CTNNA2: variants seen among roughly 807,000 people sequenced by gnomAD.
CTNNA2 encodes the protein catenin alpha-2.
Under a neutral mutation model 101.0 loss-of-function variants are expected in CTNNA2, and 42 were observed. The observed-to-expected ratio is 0.42, with a 90% confidence interval of 0.32 to 0.54. CTNNA2 has a LOEUF of 0.54. Ranked by LOEUF, CTNNA2 falls within the 20% of genes least tolerant of loss-of-function variation. The probability of loss-of-function intolerance (pLI) is 0.14; values close to 1 mark genes in which losing one functional copy is unlikely to be tolerated. For missense variants in CTNNA2, 871 were observed against 1,223.1 expected, an observed-to-expected ratio of 0.71 and a Z score of 4.29; for synonymous variants, 450 against 456.4, an observed-to-expected ratio of 0.99 and a Z score of 0.18.
intron 2 of CTNNA2, among the ~76,000 whole-genome samples, chr2:79,702,661 G>T (rs1685090330): frequency 6.6e-6 from 1 of 152,138 alleles, no homozygotes; most frequent in African/African-American, 2.4e-5. Flanking sequence ...CTTGTACTAG[G>T]TTCCTGGGAA....
At chr2:79,916,389 T>C (rs1300841974) in intron 7 of CTNNA2, among the ~76,000 whole-genome samples, 2 of 152,034 alleles carry the variant, frequency 1.3e-5, no homozygotes, top group African/African-American at 4.8e-5. Context: ...TTTCTTCTCT[T>C]TCCTGTTCTC....
chr2:79,777,200 A>T (rs185917954), intron 3 of CTNNA2: 4 of 152,302 alleles, frequency 2.6e-5, no homozygotes, highest in Admixed American at 6.5e-5. Context: ...CTTACTATAC[A>T]GCTGGTCCTC....
At chr2:79,290,352 C>T (rs750704966) in intron 2 of CTNNA2, among the ~76,000 whole-genome samples, 2 of 152,098 alleles carry the variant, frequency 1.3e-5, no homozygotes, top group South Asian at 2.1e-4. Context: ...GATACTGATA[C>T]GGGAGCGGGG....
intron 3 of CTNNA2, among the ~76,000 whole-genome samples, chr2:79,755,565 T>G (rs1672342180): frequency 6.6e-6 from 1 of 152,150 alleles, no homozygotes; most frequent in Non-Finnish European, 1.5e-5. Flanking sequence ...ACAGACCATC[T>G]GGTTCAGAAT....
At chr2:80,135,276 G>T (rs568654536) in intron 7 of CTNNA2, among the ~76,000 whole-genome samples, 51 of 152,276 alleles carry the variant, frequency 3.3e-4, no homozygotes, top group South Asian at 1.7e-3. Flanking sequence ...TGGCAGGAAG[G>T]CCTGACAAAT....
intron 3 of CTNNA2, among the ~76,000 whole-genome samples, chr2:79,355,521 T>G (rs762938849): frequency 7.9e-5 from 12 of 152,136 alleles, no homozygotes; most frequent in Non-Finnish European, 5.9e-5. Context: ...CACAGTGTTA[T>G]TCAATAATCA....
intron 14 of CTNNA2, among the ~76,000 whole-genome samples, chr2:80,588,212 A>G (rs963406307): frequency 2.0e-5 from 3 of 152,166 alleles, no homozygotes; most frequent in African/African-American, 7.2e-5. Flanking sequence ...TGTTTTCTCC[A>G]TAAGGCACAT....
intron 2 of CTNNA2, among the ~76,000 whole-genome samples, chr2:79,243,919 A>G (rs1325570242): frequency 6.6e-6 from 1 of 152,162 alleles, no homozygotes. Context: ...TCCGTGTTCC[A>G]CTTGCCAAGG....
intron 2 of CTNNA2, among the ~76,000 whole-genome samples, chr2:79,223,008 A>T (rs1572986980): frequency 6.6e-6 from 1 of 152,110 alleles, no homozygotes; most frequent in East Asian, 1.9e-4. Flanking sequence ...AAAATTAGCC[A>T]GGCATAGTGC....
intron 9 of CTNNA2, among the ~76,000 whole-genome samples, chr2:80,542,696 A>C (rs1217453190): frequency 6.6e-6 from 1 of 152,112 alleles, no homozygotes; most frequent in Non-Finnish European, 1.5e-5. Flanking sequence ...TGTGATCTCA[A>C]GTCTTTTGCA....
Position 80,581,705 on chromosome 2 carries a change from G to T in CTNNA2, c.1894-1G>T. 1 of 1,589,094 alleles carries T rather than the reference G, an allele frequency of 6.3e-7. No homozygotes were observed. The highest frequency in any genetic ancestry group is 1.1e-5 in the South Asian group (1 of 90,518). On this transcript the variant is annotated splice_acceptor_variant, in intron 13 of 18. Transcript: ENST00000402739. LOFTEE classifies it high-confidence loss of function. ...GCTGACTTATATCTTTTTGTCTTTA[G>T]ACCCCAGAAGAACTAGAGGATGATT...
At chr2:79,395,407 A>G (rs1467034290) in intron 4 of CTNNA2, among the ~76,000 whole-genome samples, 3 of 151,538 alleles carry the variant, frequency 2.0e-5, no homozygotes, top group Non-Finnish European at 2.9e-5. Flanking sequence ...CCAACCCACA[A>G]CAGTCCCTGG....
intron 2 of CTNNA2, among the ~76,000 whole-genome samples, chr2:79,668,115 C>T (rs2104566536): frequency 6.6e-6 from 1 of 151,056 alleles, no homozygotes; most frequent in Non-Finnish European, 1.5e-5. Flanking sequence ...TGGCGGGCGC[C>T]TGTAGTCCCA....
chr2:79,882,462 G>C (rs1203672248), intron 6 of CTNNA2, among the ~76,000 whole-genome samples: 2 of 152,200 alleles, frequency 1.3e-5, no homozygotes, highest in African/African-American at 4.8e-5. Flanking sequence ...GGATGGGTCA[G>C]GCTCAGGCCT....
At chr2:79,622,226 G>C (rs1399669347) in intron 1 of CTNNA2, among the ~76,000 whole-genome samples, 2 of 152,178 alleles carry the variant, frequency 1.3e-5, no homozygotes, top group Non-Finnish European at 2.9e-5. Flanking sequence ...TTTAAGAAAT[G>C]ATGAGTGAAC....
At chr2:80,292,837 ATATGT>A (rs1488367231) in intron 7 of CTNNA2, among the ~76,000 whole-genome samples, 2 of 152,208 alleles carry the variant, frequency 1.3e-5, no homozygotes, top group Admixed American at 6.5e-5. Context: ...CATCTGAGTG[ATATGT>A]TATGTTTAGT....
chr2:80,340,482 C>T (rs539524233), intron 7 of CTNNA2, among the ~76,000 whole-genome samples: 1 of 152,284 alleles, frequency 6.6e-6, no homozygotes, highest in South Asian at 2.1e-4. Context: ...CTTTAATCTT[C>T]ATAATTTTCT....
intron 4 of CTNNA2, among the ~76,000 whole-genome samples, chr2:79,490,184 C>G (rs1671195055): frequency 6.6e-6 from 1 of 152,176 alleles, no homozygotes; most frequent in East Asian, 1.9e-4. Context: ...TATATACTAC[C>G]TGCAATTTCT....
rs542211919 is a variant in CTNNA2 at position 80,235,843 on chromosome 2, G to A, written c.1057-157368G>A. Among the ~76,000 whole-genome samples, 8 of 152,194 alleles carry A rather than the reference G, an allele frequency of 5.3e-5. No homozygotes were observed. The East Asian group carries it at 5.8e-4, about 11-fold the overall frequency. On this transcript the variant is annotated intron_variant, in intron 7 of 18. Transcript: ENST00000402739. ...ATTTTTATTTTAAGTTCAGGGGTAC[G>A]TGAGGTTTGTTACATAAGTAAACTT...
Sources: gnomAD v4.1 joint callset for allele counts (sites outside exome capture counted in the v4.1 genomes callset) on GRCh38, gnomAD v4.1.1 for gene constraint, MANE v1.5 for transcripts, NCBI Gene and HGNC (gene_info 2026-07-23, HGNC 2026-07-21) for gene names.